SPDEF: variants seen among roughly 807,000 people sequenced by gnomAD.
SPDEF encodes SAM pointed domain-containing Ets transcription factor.
In SPDEF, 12 loss-of-function variants were observed where a neutral mutation model predicts 36.0. That is an observed-to-expected ratio of 0.33 (90% CI 0.21 to 0.54). SPDEF has a LOEUF of 0.54. SPDEF is among the 20% of genes least tolerant of loss of function. The pLI is 0.93. For synonymous variants in SPDEF, 205 were observed against 193.0 expected (o/e 1.06, Z -0.51); for missense variants, 388 against 456.9 (o/e 0.85, Z 1.37).
rs1768152753 is a variant in SPDEF, at chr6:34,555,702, C to T, written c.-30+227G>A. Among the ~76,000 whole-genome samples the T allele has an allele frequency of 6.6e-6, 1 of 152,044 alleles. No homozygotes were observed. The highest frequency in any genetic ancestry group is 2.4e-5 in the African/African-American group (1 of 41,378). On this transcript the variant is annotated intron_variant, in intron 1 of 5. Coordinates refer to ENST00000374037, the MANE Select transcript of SPDEF (RefSeq NM_012391.3). This position sits in a 1 kb window ranked among gnomAD's most constrained non-coding sequence, Gnocchi z 5.2. ...CCCCAGGCCTTGCCGGGCAAGGGGG[C>T]TCACCCAGCATGTAGAGTTGGCCCA...
At chr6:34,540,374 G>A (rs368374904) in intron 3 of SPDEF, among the ~76,000 whole-genome samples, 1 of 151,534 alleles carries the variant, frequency 6.6e-6, no homozygotes, top group South Asian at 2.1e-4. Flanking sequence ...ATACTGTGGT[G>A]TGCAGAGCAG....
chr6:34,546,069 C>T (rs912642779), intron 1 of SPDEF, among the ~76,000 whole-genome samples: 2 of 152,094 alleles, frequency 1.3e-5, no homozygotes, highest in African/African-American at 4.8e-5. Context: ...AATTTGTGTC[C>T]TTTCTCGAGG....
At position 34,555,857 on chromosome 6, in the gene SPDEF, T is replaced by A. The variant is rs1280269265; in HGVS notation, c.-30+72A>T. ...AAGTGCGCCCCCTCCAAGTCCTGCC[T>A]GCAGTCGCCCACCCCCCAGCTGGCA... On this transcript the variant is annotated intron_variant, in intron 1 of 5. Transcript: ENST00000374037. This position sits in a 1 kb window ranked among gnomAD's most constrained non-coding sequence, Gnocchi z 5.2. 6.5e-6 allele frequency: 1 copy of A among 152,830 alleles called. No homozygotes were observed. The highest frequency in any genetic ancestry group is 1.5e-5 in the Non-Finnish European group (1 of 68,242). The allele number at this position is 152,830 out of a possible 1,614,324, so 9.5% of individuals were successfully genotyped here.
chr6:34,547,194 G>C (rs879445160), intron 1 of SPDEF, among the ~76,000 whole-genome samples: 2 of 152,156 alleles, frequency 1.3e-5, no homozygotes, highest in African/African-American at 2.4e-5. Flanking sequence ...CTCAGCCACA[G>C]GTAGGACAGG....
intron 1 of SPDEF, among the ~76,000 whole-genome samples, chr6:34,547,039 C>G (rs1468706748): frequency 6.7e-6 from 1 of 150,184 alleles, no homozygotes; most frequent in Admixed American, 6.6e-5. Context: ...CCCTGCCTGC[C>G]TCCTGCCCCG....
chr6:34,541,230 C>G, intron 2 of SPDEF, 49 bp from the exon 3 acceptor site: 1 of 1,519,714 alleles, frequency 6.6e-7, no homozygotes. Context: ...AGAGCACCAC[C>G]CTGCTGTGAT....
rs1767870793 is a variant in SPDEF at position 34,543,415 on chromosome 6, G to A, written c.436+605C>T. Among the ~76,000 whole-genome samples the A allele has an allele frequency of 2.6e-5, 4 of 152,236 alleles. No individual in the cohort carries two copies. In the South Asian group the frequency reaches 8.3e-4, roughly 32 times the overall value. On this transcript the variant is annotated intron_variant, in intron 2 of 5. Coordinates refer to ENST00000374037, the MANE Select transcript of SPDEF (RefSeq NM_012391.3). ...GAGATCAACAGATATGGTGCGGCAC[G>A]TCCGAGGAGTGTAAGTGCTATGAGA...
chr6:34,538,444 T>G lies in SPDEF; in HGVS notation c.838A>C (p.Lys280Gln). 1 of 1,612,942 alleles carries G rather than the reference T, an allele frequency of 6.2e-7. No individual in the cohort carries two copies. Among genetic ancestry groups the G allele is most frequent in the Non-Finnish European group, 8.5e-7 (1 of 1,179,360 alleles). Residue 280 changes from lysine to glutamine, a missense_variant, in exon 6 of 6, where the codon AAA (lysine) becomes CAA (glutamine). Lys to Gln is a moderately conservative substitution (Grantham distance 53). This residue lies in a region of SPDEF where 80 missense variants were observed against 130.8 expected (regional missense o/e 0.61). Transcript: ENST00000374037. This position sits in a 1 kb window ranked among gnomAD's most constrained non-coding sequence, Gnocchi z 5.9. The part of the protein sequence containing the change: ...RWLNKEKGIF[K>Q]IEDSAQVARL... ...GCCACCTGGGCTGAGTCCTCAATTT[T>G]GAAGATGCCTAGAGCAGGAGGGCCC...
chr6:34,544,478 G>A lies in SPDEF; in HGVS notation c.-23C>T, dbSNP rs377201047. 8 of 1,515,406 alleles carry A rather than the reference G, an allele frequency of 5.3e-6. No individual in the cohort carries two copies. Among genetic ancestry groups the A allele is most frequent in the East Asian group, 4.6e-5 (2 of 43,626 alleles). The allele number at this position is 1,515,406 out of a possible 1,614,324, so 93.9% of individuals were successfully genotyped here. On this transcript the variant is annotated 5_prime_UTR_variant, in exon 2 of 6. Coordinates refer to ENST00000374037, the MANE Select transcript of SPDEF (RefSeq NM_012391.3). This position sits in a 1 kb window ranked among gnomAD's most constrained non-coding sequence, Gnocchi z 4.4. ...CATGCCGCTGCTGTTTGGGCTGGCG[G>A]CTGTGTCTACGGAAATGAAAGAGGA...
chr6:34,544,149 C>T lies in SPDEF; in HGVS notation c.307G>A (p.Gly103Ser), dbSNP rs779027352. 1 of 1,613,810 alleles carries T rather than the reference C, an allele frequency of 6.2e-7. No individual in the cohort carries two copies. The highest frequency in any genetic ancestry group is 1.1e-5 in the South Asian group (1 of 91,076). ...CCGCCGGGCACCAAGTCCAGGCTGC[C>T]CGCTGGGGCTTGGCTGTCAATGACC... ...CPVIDSQAPA[G>S]SLDLVPGGLT... The change falls in exon 2 of 6, where the codon GGC (glycine) becomes AGC (serine). Residue 103 changes from glycine to serine, a missense_variant. Transcript: ENST00000374037. This position sits in a 1 kb window ranked among gnomAD's most constrained non-coding sequence, Gnocchi z 4.4.
chr6:34,553,217 G>A (rs1186692064), intron 1 of SPDEF, among the ~76,000 whole-genome samples: 2 of 152,152 alleles, frequency 1.3e-5, no homozygotes, highest in Non-Finnish European at 1.5e-5. Context: ...CCCCAACCCC[G>A]GCTGCTGAGA....
chr6:34,551,434 C>A (rs190745922), intron 1 of SPDEF, among the ~76,000 whole-genome samples: 24 of 152,346 alleles, frequency 1.6e-4, no homozygotes, highest in African/African-American at 4.8e-4. Flanking sequence ...AGGAGAGACC[C>A]TGGGTGAGTC....
chr6:34,543,204 A>G (rs1767864349), intron 2 of SPDEF, among the ~76,000 whole-genome samples: 2 of 149,538 alleles, frequency 1.3e-5, no homozygotes, highest in Non-Finnish European at 3.0e-5. Context: ...TCAAAAAAAA[A>G]AAAAAAAAAA....
chr6:34,543,684 G>A (rs1370222449), intron 2 of SPDEF, among the ~76,000 whole-genome samples: 2 of 152,188 alleles, frequency 1.3e-5, no homozygotes, highest in East Asian at 3.9e-4. Context: ...AGCAAATGTT[G>A]TGGGAACAGC....
At chr6:34,546,566 C>G (rs1767957566) in intron 1 of SPDEF, among the ~76,000 whole-genome samples, 1 of 152,186 alleles carries the variant, frequency 6.6e-6, no homozygotes, top group African/African-American at 2.4e-5. Flanking sequence ...ACATCCCTTC[C>G]CCCTGGATAG....
chr6:34,549,070 CGT>C (rs774354831), intron 1 of SPDEF, among the ~76,000 whole-genome samples: 163 of 152,334 alleles, frequency 1.1e-3, no homozygotes, highest in Middle Eastern at 0.01. Flanking sequence ...CAGGACCCAG[CGT>C]TCCTGCAGCC....
chr6:34,545,308 A>G (rs1458390059), intron 1 of SPDEF, among the ~76,000 whole-genome samples: 1 of 152,234 alleles, frequency 6.6e-6, no homozygotes, highest in Non-Finnish European at 1.5e-5. Context: ...CAGGCTTTCC[A>G]GGAGGAGCCA....
intron 1 of SPDEF, among the ~76,000 whole-genome samples, chr6:34,551,448 G>C (rs2127293806): frequency 6.6e-6 from 1 of 152,322 alleles, no homozygotes; most frequent in East Asian, 1.9e-4. Flanking sequence ...GTGAGTCCCT[G>C]GTCCCTCCAG....
chr6:34,540,161 G>C (rs1767786697), intron 3 of SPDEF, among the ~76,000 whole-genome samples: 1 of 152,118 alleles, frequency 6.6e-6, no homozygotes. Flanking sequence ...AATTAGCAGG[G>C]TGTGGTGGTG....
Sources: gnomAD v4.1 joint callset for allele counts (sites outside exome capture counted in the v4.1 genomes callset) on GRCh38, gnomAD v4.1.1 for gene constraint, gnomAD v4.1.1 regional missense constraint, Gnocchi (gnomAD v3.1) non-coding constraint, MANE v1.5 for transcripts, NCBI Gene and HGNC (gene_info 2026-07-23, HGNC 2026-07-21) for gene names.